The following WDR24 variants were observed in gnomAD, a reference collection of about 807,000 sequenced individuals.
The protein encoded by WDR24 is WD repeat domain 24.
A neutral mutation model predicts 66.7 loss-of-function variants in WDR24; 32 were observed. The ratio of observed to expected loss-of-function variants is 0.48; its 90% CI spans 0.36 to 0.64. The LOEUF (loss-of-function observed/expected upper bound fraction) is 0.64, where lower values mean the gene tolerates loss of function less well. Among genes scored for constraint, WDR24 ranks in the 30% least tolerant of loss-of-function variants. The pLI is 0.00. For synonymous variants in WDR24, 565 were observed against 469.1 expected, an observed-to-expected ratio of 1.20 and a Z score of -2.64; for missense variants, 978 against 1,144.1, an observed-to-expected ratio of 0.85 and a Z score of 2.09.
rs761539927 is a variant in WDR24, at chr16:689,666, G to C, written c.-26C>G. On this transcript the variant is annotated 5_prime_UTR_variant, in exon 1 of 9. Transcript: ENST00000293883. ...GGCTGCACAGGTGATGAGGTCAGGG[G>C]TCAGGAGGTCAGTGAGGTGGGCTGG... is the stretch of plus-strand genomic sequence containing the variant. 4.7e-5 allele frequency: 76 copies of C among 1,605,426 alleles called. 2 individuals carry two copies. The South Asian group carries it at 7.1e-4, about 15-fold the overall frequency.
chr16:686,490 G>T lies in WDR24; in HGVS notation c.1332+254C>A, dbSNP rs542292374. Among the ~76,000 whole-genome samples, 4 of 152,272 alleles carry T rather than the reference G, an allele frequency of 2.6e-5. No individual in the cohort carries two copies. In the East Asian group the frequency reaches 7.7e-4, roughly 29 times the overall value. On this transcript the variant is annotated intron_variant, in intron 3 of 8. Coordinates refer to ENST00000293883, the MANE Select transcript of WDR24 (RefSeq NM_032259.4). ...GTGCCTGGAGAGCTCCAGAAGCAAGGGGGGAAGAACAGAGAGCTTGAGCCA... is the reference window on the plus strand; with the variant it reads ...GTGCCTGGAGAGCTCCAGAAGCAAGTGGGGAAGAACAGAGAGCTTGAGCCA...
Position 686,790 on chromosome 16 carries a change from A to G in WDR24, c.1286T>C (p.Leu429Pro). 1 of 1,610,790 alleles carries G rather than the reference A, an allele frequency of 6.2e-7. No homozygotes were observed. Among genetic ancestry groups the G allele is most frequent in the Non-Finnish European group, 8.5e-7 (1 of 1,178,416 alleles). ...AGCCACCTTTGCGTTGTGGTCACAG[A>G]GCTCGGCCAGTGGCCGGCCAGCCAG... is the stretch of plus-strand genomic sequence containing the variant. The part of the protein sequence containing the change: ...YALAGRPLAE[L>P]CDHNAKVARE... The change falls in exon 3 of 9, where the codon CTC becomes CCC. Residue 429 changes from leucine to proline, a missense_variant. Around this residue, in one of 2 missense-constraint regions of WDR24, gnomAD observed 676 missense variants for 617.5 expected, o/e 1.09. Transcript: ENST00000293883.
rs1484196936 is a variant in WDR24, at chr16:687,785, T to C, written c.482-46A>G. ...CAGGGGAAGTGACGGGGCTGGCCCATGAGGTGCGCCCTCAGAACAGCTGTG... is the reference window on the plus strand; with the variant it reads ...CAGGGGAAGTGACGGGGCTGGCCCACGAGGTGCGCCCTCAGAACAGCTGTG... On this transcript the variant is annotated intron_variant, in intron 1 of 8. Coordinates refer to ENST00000293883, the MANE Select transcript of WDR24 (RefSeq NM_032259.4). 1.9e-6 allele frequency: 3 copies of C among 1,593,842 alleles called. No individual in the cohort carries two copies. In the Admixed American group the frequency reaches 5.2e-5, roughly 28 times the overall value.
chr16:685,924 A>C lies in WDR24; in HGVS notation c.1518T>G (p.Asp506Glu), dbSNP rs2039897769. 6.2e-7 allele frequency: 1 copy of C among 1,612,720 alleles called. No individual in the cohort carries two copies. The highest frequency in any genetic ancestry group is 8.5e-7 in the Non-Finnish European group (1 of 1,179,944). Residue 506 changes from aspartate to glutamate, a missense_variant, in exon 5 of 9, where the codon GAT becomes GAG. Asp to Glu is a conservative substitution (Grantham distance 45). Transcript: ENST00000293883. The part of the protein sequence containing the change: ...SETRLDRSKG[D>E]ARSDTVLLDS... ...CGAGCAGAACTGTGTCGCTCCGTGC[A>C]TCTCCTTTGCTGCGGTCCAGCCGCG...
chr16:685,185 G>A lies in WDR24; in HGVS notation c.2020-9C>T. 1 of 1,591,206 alleles carries A rather than the reference G, an allele frequency of 6.3e-7. No homozygotes were observed. The highest frequency in any genetic ancestry group is 8.6e-7 in the Non-Finnish European group (1 of 1,168,832). ...GAAGTGTACCAGTGCTCCTGGGGGA[G>A]GGAGCGCCCGGCAGTCAGGATCTGG... On this transcript the variant is annotated splice_polypyrimidine_tract_variant and intron_variant, in intron 7 of 8. Coordinates refer to ENST00000293883, the MANE Select transcript of WDR24 (RefSeq NM_032259.4).
In WDR24 at chr16:685,289, G is replaced by A. The variant is rs146884857; in HGVS notation, c.1987C>T (p.Arg663Trp). 6 of 1,597,464 alleles carry A rather than the reference G, an allele frequency of 3.8e-6. No individual in the cohort carries two copies. In the African/African-American group the frequency reaches 4.0e-5, roughly 11 times the overall value. The part of the protein sequence containing the change: ...AVSVLIVLGE[R>W]VRKDIDEQTQ... ...TGCTCGTCGATGTCCTTGCGCACCC[G>A]TTCACCCAGGACGATGAGCACAGAC... is the stretch of plus-strand genomic sequence containing the variant. The change falls in exon 7 of 9, where the codon CGG becomes TGG. Residue 663 changes from arginine to tryptophan, a missense_variant. Around this residue, in one of 2 missense-constraint regions of WDR24, gnomAD observed 676 missense variants for 617.5 expected, o/e 1.09. Coordinates refer to ENST00000293883, the MANE Select transcript of WDR24 (RefSeq NM_032259.4).
chr16:688,287 G>C (rs1397087295), intron 1 of WDR24, among the ~76,000 whole-genome samples: 1 of 152,162 alleles, frequency 6.6e-6, no homozygotes, highest in Non-Finnish European at 1.5e-5. Flanking sequence ...AGGGGAGGCA[G>C]CTCAGGATCT....
chr16:687,474 C>T, intron 2 of WDR24, 58 bp from the exon 3 acceptor site: 2 of 1,575,304 alleles, frequency 1.3e-6, no homozygotes, highest in Non-Finnish European at 1.7e-6. Flanking sequence ...GAGGGGACCC[C>T]CCCGCTCTGC....
rs1276917650 is a variant in WDR24, at chr16:684,989, C to A, written c.2204+3G>T. ...GCCCCACCTCCCGACCCCACTGCCC[C>A]ACCTGTCGCAGACCCAGCCCCGGCT... On this transcript the variant is annotated splice_donor_region_variant and intron_variant, in intron 8 of 8. Coordinates refer to ENST00000293883, the MANE Select transcript of WDR24 (RefSeq NM_032259.4). 1.9e-6 allele frequency: 3 copies of A among 1,544,230 alleles called. No homozygotes were observed. Among genetic ancestry groups the A allele is most frequent in the Non-Finnish European group, 2.6e-6 (3 of 1,147,378 alleles).
rs1487270874 is a variant in WDR24, at chr16:685,015, G to A, written c.2181C>T (p.Ser727=). ...VNCSHCKRPM[S]SRGWVCDRCH... ...ACCTGTCGCAGACCCAGCCCCGGCT[G>A]CTCATGGGCCGCTTGCAGTGGCTGC... Residue 727 remains serine (S), a synonymous_variant, in exon 8 of 9, where the codon AGC becomes AGT. Transcript: ENST00000293883. The A allele has an allele frequency of 3.9e-6, 6 of 1,553,156 alleles. No homozygotes were observed. The highest frequency in any genetic ancestry group is 1.2e-5 in the South Asian group (1 of 84,886).
intron 1 of WDR24, among the ~76,000 whole-genome samples, chr16:688,501 C>G (rs928396915): frequency 6.6e-6 from 1 of 152,230 alleles, no homozygotes; most frequent in Admixed American, 6.5e-5. Context: ...CCTGTGTTAG[C>G]CAGGAGGGTC....
intron 3 of WDR24, 80 bp downstream of exon 3, chr16:686,664 G>A: frequency 6.8e-7 from 1 of 1,476,680 alleles, no homozygotes; most frequent in Non-Finnish European, 9.1e-7. Flanking sequence ...GCTTGAGGTG[G>A]GGTGAGCGCA....
chr16:688,087 C>T (rs1269289488), intron 1 of WDR24: 2 of 483,330 alleles, frequency 4.1e-6, no homozygotes, highest in African/African-American at 1.9e-5. Context: ...CGCCCACTCC[C>T]GTGGCCCTGT....
rs752407669 is a variant in WDR24, at chr16:686,824, G to T, written c.1252C>A (p.Arg418Ser). 2.3e-5 allele frequency: 37 copies of T among 1,612,098 alleles called. No individual in the cohort carries two copies. Among genetic ancestry groups the T allele is most frequent in the Admixed American group, 3.3e-5 (2 of 59,980 alleles). Reference sequence around the variant, plus strand: ...AGTGGCCGGCCAGCCAGCGCATAACGCTCAGCTGTGTCCACAAACCAGCGC... The same window carrying T: ...AGTGGCCGGCCAGCCAGCGCATAACTCTCAGCTGTGTCCACAAACCAGCGC... Reference protein sequence around the residue: ...GMRWFVDTAERYALAGRPLAE... With the variant: ...GMRWFVDTAESYALAGRPLAE... The change falls in exon 3 of 9, where the codon CGT becomes AGT. Residue 418 changes from arginine to serine, a missense_variant. Physicochemically the swap from Arg to Ser is moderately radical, Grantham distance 110. Coordinates refer to ENST00000293883, the MANE Select transcript of WDR24 (RefSeq NM_032259.4).
chr16:689,328 C>T lies in WDR24; in HGVS notation c.313G>A (p.Gly105Ser), dbSNP rs1203807330. Residue 105 changes from glycine to serine, a missense_variant, in exon 1 of 9, where the codon GGC becomes AGC. Gly to Ser is a moderately conservative substitution (Grantham distance 56). Coordinates refer to ENST00000293883, the MANE Select transcript of WDR24 (RefSeq NM_032259.4). Reference protein sequence around the residue: ...TNGVVVTWNLGRPSRNKQDQL... With the variant: ...TNGVVVTWNLSRPSRNKQDQL... ...TCCTGCTTGTTGCGGGATGGCCGGC[C>T]CAGGTTCCACGTGACCACCACGCCA... is the stretch of plus-strand genomic sequence containing the variant. The T allele has an allele frequency of 5.6e-6, 9 of 1,613,772 alleles. No homozygotes were observed. The highest frequency in any genetic ancestry group is 7.6e-6 in the Non-Finnish European group (9 of 1,180,016).
chr16:686,893 T>C lies in WDR24; in HGVS notation c.1183A>G (p.Ser395Gly). The change falls in exon 3 of 9, where the codon AGT (serine) becomes GGT (glycine). Residue 395 changes from serine (S) to glycine (G), a missense_variant. By Grantham distance (56) the Ser-to-Gly change is moderately conservative (BLOSUM62 0). Transcript: ENST00000293883. ...TCCGTCTCAAAGACACTGAGGGCAC[T>C]GGAGGCGAGGCCTGCGAAGGGCTCG... Reference protein sequence around the residue: ...PAEPFAGLASSALSVFETEPG... With the variant: ...PAEPFAGLASGALSVFETEPG... 6.2e-7 allele frequency: 1 copy of C among 1,609,310 alleles called. No homozygotes were observed. Among genetic ancestry groups the C allele is most frequent in the Non-Finnish European group, 8.5e-7 (1 of 1,179,584 alleles).
chr16:685,355 G>C lies in WDR24; in HGVS notation c.1921C>G (p.Leu641Val), dbSNP rs1031578256. 6.2e-7 allele frequency: 1 copy of C among 1,611,408 alleles called. No homozygotes were observed. The highest frequency in any genetic ancestry group is 1.1e-5 in the South Asian group (1 of 91,084). Residue 641 changes from leucine (L) to valine (V), a missense_variant, in exon 7 of 9, where the codon CTG becomes GTG. Physicochemically the swap from Leu to Val is conservative, Grantham distance 32 (BLOSUM62 1). This residue lies in a region of WDR24 where 676 missense variants were observed against 617.5 expected (regional missense o/e 1.09). Transcript: ENST00000293883. ...TCGCCCTGCTCAGCGTAGAAGTGCA[G>C]CATGTCGCGCACCAGCACGCCGAAG... ...DFFGVLVRDM[L>V]HFYAEQGDVQ...
chr16:685,035 G>A lies in WDR24; in HGVS notation c.2161C>T (p.His721Tyr), dbSNP rs761587001. The A allele has an allele frequency of 1.3e-6, 2 of 1,557,268 alleles. No homozygotes were observed. The highest frequency in any genetic ancestry group is 8.7e-7 in the Non-Finnish European group (1 of 1,152,546). ...CGGCTGCTCATGGGCCGCTTGCAGT[G>A]GCTGCAGTTGACGTGCAGGGTGGTG... is the stretch of plus-strand genomic sequence containing the variant. The part of the protein sequence containing the change: ...ASTTLHVNCS[H>Y]CKRPMSSRGW... Residue 721 changes from histidine to tyrosine, a missense_variant, in exon 8 of 9, where the codon CAC becomes TAC. By Grantham distance (83) the His-to-Tyr change is moderately conservative. Around this residue, in one of 2 missense-constraint regions of WDR24, gnomAD observed 676 missense variants for 617.5 expected, o/e 1.09. Transcript: ENST00000293883.
In WDR24 at chr16:689,278, G is replaced by A. The variant is rs1317678446; in HGVS notation, c.363C>T (p.Arg121=). 5 of 1,613,840 alleles carry A rather than the reference G, an allele frequency of 3.1e-6. No individual in the cohort carries two copies. Among genetic ancestry groups the A allele is most frequent in the Non-Finnish European group, 4.2e-6 (5 of 1,180,022 alleles). The change falls in exon 1 of 9, where the codon CGC becomes CGT. Residue 121 remains arginine, a synonymous_variant. Transcript: ENST00000293883. ...GGTGGAAGCAGACTTTGTTTACCGT[G>A]CGCTTGTGTTCTGTGAACAGCTGGT... The part of the protein sequence containing the change: ...KQDQLFTEHK[R]TVNKVCFHPT...
Sources: allele counts gnomAD v4.1 joint callset (sites outside exome capture counted in the v4.1 genomes callset), GRCh38; gene constraint gnomAD v4.1.1; regional missense constraint gnomAD v4.1.1; transcripts MANE v1.5; gene names NCBI Gene and HGNC (gene_info 2026-07-23, HGNC 2026-07-21).